The following ACTN1 variants were observed in gnomAD, a reference collection of about 807,000 sequenced individuals.
ACTN1 encodes the protein alpha-actinin-1.
In ACTN1, 30 loss-of-function variants were observed where a neutral mutation model predicts 119.6. The observed-to-expected ratio is 0.25, with a 90% CI of 0.19 to 0.34. The LOEUF (loss-of-function observed/expected upper bound fraction) is 0.34, where lower values mean the gene tolerates loss of function less well. Ranked by LOEUF, ACTN1 falls within the 10% of genes least tolerant of loss-of-function variation. The probability of loss-of-function intolerance (pLI) is 1.00; values close to 1 mark genes in which losing one functional copy is unlikely to be tolerated. For synonymous variants in ACTN1, 429 were observed against 472.6 expected, an observed-to-expected ratio of 0.91 and a Z score of 1.20; for missense variants, 764 against 1,223.4, an observed-to-expected ratio of 0.62 and a Z score of 5.60.
At chr14:68,969,899 T>C (rs985421000) in intron 1 of ACTN1, among the ~76,000 whole-genome samples, 1 of 152,046 alleles carries the variant, frequency 6.6e-6, no homozygotes, top group African/African-American at 2.4e-5. Context: ...AAAGCCAAGT[T>C]CCATTAGGGG....
intron 1 of ACTN1, chr14:68,978,017 T>C (rs1372419215): frequency 2.2e-6 from 1 of 456,184 alleles, no homozygotes; most frequent in South Asian, 1.5e-5. Flanking sequence ...GTTTCTGACC[T>C]CTTCCTGCCA....
chr14:68,962,941 C>T (rs1410303073), intron 1 of ACTN1, among the ~76,000 whole-genome samples: 1 of 152,218 alleles, frequency 6.6e-6, no homozygotes, highest in African/African-American at 2.4e-5. Flanking sequence ...CCTAAAGATG[C>T]CCAGAGCTTG....
chr14:68,913,734 CCTT>C (rs1358279936), intron 3 of ACTN1, among the ~76,000 whole-genome samples: 28 of 152,166 alleles, frequency 1.8e-4, no homozygotes, highest in Non-Finnish European at 1.5e-5. Flanking sequence ...AGGATGTAAC[CCTT>C]CTTGTAAACA....
chr14:68,889,046 G>A (rs2032261386), intron 11 of ACTN1, among the ~76,000 whole-genome samples: 1 of 152,190 alleles, frequency 6.6e-6, no homozygotes, highest in Non-Finnish European at 1.5e-5. Context: ...TTAGGGCATT[G>A]AGCTCCGCCG....
In ACTN1 at chr14:68,938,971, T is replaced by C. The variant is rs1017147396; in HGVS notation, c.106-13299A>G. 3.3e-5 allele frequency among the ~76,000 whole-genome samples: 5 copies of C among 151,980 alleles called. No homozygotes were observed. In the South Asian group the frequency reaches 8.3e-4, roughly 25 times the overall value. ...CATCTACAGCCCATTTCAAAAGACA[T>C]AGCACCAGACACCCAGAGGGTCACC... On this transcript the variant is annotated intron_variant, in intron 1 of 21. Coordinates refer to ENST00000394419, the MANE Select transcript of ACTN1 (RefSeq NM_001130004.2).
chr14:68,884,010 T>C (rs2031789171), intron 14 of ACTN1, among the ~76,000 whole-genome samples, 158 bp downstream of exon 14: 1 of 152,168 alleles, frequency 6.6e-6, no homozygotes, highest in African/African-American at 2.4e-5. Context: ...ATCATGCACA[T>C]ATATTATCTT....
chr14:68,964,061 A>T (rs1342329536), intron 1 of ACTN1, among the ~76,000 whole-genome samples: 4 of 152,188 alleles, frequency 2.6e-5, no homozygotes, highest in Non-Finnish European at 4.4e-5. Flanking sequence ...GGAATTAAAT[A>T]TCTATTGGCA....
At chr14:68,914,248 T>G (rs924112366) in intron 3 of ACTN1, among the ~76,000 whole-genome samples, 3 of 151,934 alleles carry the variant, frequency 2.0e-5, no homozygotes, top group Admixed American at 6.5e-5. Flanking sequence ...CTCATAAATC[T>G]TTGATATTTT....
intron 4 of ACTN1, 141 bp downstream of exon 4, chr14:68,912,015 C>T: frequency 1.5e-6 from 1 of 681,488 alleles, no homozygotes; most frequent in South Asian, 1.9e-5. Context: ...GAGGAGAAGG[C>T]TGATGCCCAA....
intron 1 of ACTN1, among the ~76,000 whole-genome samples, chr14:68,929,281 C>T (rs114262210): frequency 1.6e-3 from 237 of 152,284 alleles, no homozygotes; most frequent in African/African-American, 5.6e-3. Flanking sequence ...GTGGCACCTG[C>T]TCCTTAGCAG....
intron 1 of ACTN1, among the ~76,000 whole-genome samples, chr14:68,929,722 C>G (rs566125134): frequency 7.2e-5 from 11 of 152,366 alleles, no homozygotes; most frequent in Admixed American, 7.2e-4. Flanking sequence ...GCAGCCCTGT[C>G]TGCACTCCAC....
chr14:68,899,241 C>T (rs2033124927), intron 8 of ACTN1, among the ~76,000 whole-genome samples: 2 of 146,788 alleles, frequency 1.4e-5, no homozygotes, highest in African/African-American at 5.0e-5. Flanking sequence ...ACACACACAG[C>T]ACTCCCCTTC....
intron 1 of ACTN1, among the ~76,000 whole-genome samples, chr14:68,948,279 G>A (rs1025502773): frequency 6.6e-6 from 1 of 152,206 alleles, no homozygotes; most frequent in Non-Finnish European, 1.5e-5. Flanking sequence ...AGCTTATTAA[G>A]AAGTAGGGTT....
chr14:68,953,821 A>G (rs904358446), intron 1 of ACTN1, among the ~76,000 whole-genome samples: 3 of 150,956 alleles, frequency 2.0e-5, no homozygotes, highest in Admixed American at 1.3e-4. Flanking sequence ...CAGGAGGTGG[A>G]GTTGCAGTGA....
chr14:68,928,343 T>C (rs1317204708), intron 1 of ACTN1, among the ~76,000 whole-genome samples: 2 of 152,178 alleles, frequency 1.3e-5, no homozygotes, highest in Non-Finnish European at 2.9e-5. Flanking sequence ...CCCTGGAACA[T>C]GGCTTTACTA....
intron 1 of ACTN1, among the ~76,000 whole-genome samples, chr14:68,945,340 G>A (rs1050624408): frequency 6.6e-6 from 1 of 152,056 alleles, no homozygotes; most frequent in Non-Finnish European, 1.5e-5. Flanking sequence ...TAGCCACATG[G>A]GTGTTCGGGT....
At chr14:68,888,027 T>C in intron 11 of ACTN1, 1 of 737,848 alleles carries the variant, frequency 1.4e-6, no homozygotes, top group South Asian at 1.4e-5. Context: ...CGCGCCGATC[T>C]CCTCTTGGGC....
At position 68,878,886 on chromosome 14, in the gene ACTN1, A is replaced by C. The variant is rs1243701436; in HGVS notation, c.2361+103T>G. 2 of 1,599,912 alleles carry C rather than the reference A, an allele frequency of 1.3e-6. No individual in the cohort carries two copies. Among genetic ancestry groups the C allele is most frequent in the East Asian group, 4.5e-5 (2 of 44,680 alleles). ...GAGGACGAGCCCCATGGCCCACAGG[A>C]GGGGGACAGGAGATCCAGACAGAGA... On this transcript the variant is annotated intron_variant, in intron 19 of 21. Coordinates refer to ENST00000394419, the MANE Select transcript of ACTN1 (RefSeq NM_001130004.2). This position sits in a 1 kb window ranked among gnomAD's most constrained non-coding sequence, Gnocchi z 4.4.
At chr14:68,901,670 G>A (rs1312998614) in intron 8 of ACTN1, among the ~76,000 whole-genome samples, 3 of 152,224 alleles carry the variant, frequency 2.0e-5, no homozygotes, top group Non-Finnish European at 2.9e-5. Flanking sequence ...TACCAGGGAG[G>A]TCTGGGGGAG....
Sources: gnomAD v4.1 joint callset for allele counts (sites outside exome capture counted in the v4.1 genomes callset) on GRCh38, gnomAD v4.1.1 for gene constraint, Gnocchi (gnomAD v3.1) non-coding constraint, MANE v1.5 for transcripts, NCBI Gene and HGNC (gene_info 2026-07-23, HGNC 2026-07-21) for gene names.